The following PSME4 variants were observed in gnomAD, a reference collection of about 807,000 sequenced individuals.
PSME4 encodes proteasome activator subunit 4, also known as proteasome activator complex subunit 4.
Under a neutral mutation model 253.9 loss-of-function variants are expected in PSME4, and 89 were observed. The ratio of observed to expected loss-of-function variants is 0.35; its 90% confidence interval spans 0.30 to 0.42. PSME4 has a LOEUF of 0.42. Among genes scored for constraint, PSME4 ranks in the 10% least tolerant of loss-of-function variants. PSME4 has a pLI of 1.00. For synonymous variants in PSME4, 851 were observed against 759.2 expected (o/e 1.12, Z -1.99); for missense variants, 2,014 against 2,195.2 (o/e 0.92, Z 1.65).
rs1671049250 is a variant in PSME4 at position 53,970,837 on chromosome 2, C to A, written c.-53G>T. On this transcript the variant is annotated 5_prime_UTR_variant, in exon 1 of 47. Transcript: ENST00000404125. ...TCCCACCCGAACCCTCCCCGGCCCC[C>A]ACCCCTCTCCGGGCTCCGCCTCCTC... 1 of 1,376,638 alleles carries A rather than the reference C, an allele frequency of 7.3e-7. No homozygotes were observed. The highest frequency in any genetic ancestry group is 9.5e-7 in the Non-Finnish European group (1 of 1,050,368). The allele number at this position is 1,376,638 out of a possible 1,614,324, so 85.3% of individuals were successfully genotyped here. A position where few individuals can be genotyped will look rare whatever the true frequency, so the allele number is the denominator to read the frequency against.
At chr2:53,885,798 G>A in intron 40 of PSME4, 23 bp from the exon 41 acceptor site, 1 of 1,550,516 alleles carries the variant, frequency 6.4e-7, no homozygotes, top group Non-Finnish European at 8.9e-7. Context: ...CAAAGATGCA[G>A]AGTAAGTCTT....
rs545332658 is a variant in PSME4, at chr2:53,961,688, G to T, written c.242+8855C>A. On this transcript the variant is annotated intron_variant, in intron 1 of 46. Transcript: ENST00000404125. ...GCAAGACTGTCTAAAAATAAGGGGGGGAAGGGGGATGTTTGAAATGCTCAT... is the reference window on the plus strand; with the variant it reads ...GCAAGACTGTCTAAAAATAAGGGGGTGAAGGGGGATGTTTGAAATGCTCAT... 2.0e-5 allele frequency among the ~76,000 whole-genome samples: 3 copies of T among 152,168 alleles called. No individual in the cohort carries two copies. In the East Asian group the frequency reaches 5.8e-4, roughly 29 times the overall value.
intron 26 of PSME4, among the ~76,000 whole-genome samples, chr2:53,905,695 A>C (rs1680625276): frequency 6.6e-6 from 1 of 152,144 alleles, no homozygotes; most frequent in Admixed American, 6.5e-5. Flanking sequence ...AATCCCAGCT[A>C]TTTAGAAAGC....
chr2:53,904,226 T>C, intron 26 of PSME4, 70 bp from the exon 27 acceptor site: 1 of 1,384,190 alleles, frequency 7.2e-7, no homozygotes, highest in Non-Finnish European at 9.8e-7. Flanking sequence ...AAACAAATTA[T>C]CAAAAACAGT....
chr2:53,906,976 G>A (rs1222327861), intron 24 of PSME4, 108 bp from the exon 25 acceptor site: 2 of 854,202 alleles, frequency 2.3e-6, no homozygotes, highest in Non-Finnish European at 3.7e-6. Context: ...CTGGTTGACT[G>A]GTGAGTGGTG....
At position 53,878,270 on chromosome 2, in the gene PSME4, C is replaced by T. The variant is rs193048541; in HGVS notation, c.4816-2515G>A. On this transcript the variant is annotated intron_variant, in intron 41 of 46. Transcript: ENST00000404125. ...GTGAAGACTTCATGCACACTTATCA[C>T]TTCCCCAATCAATACTCTTGTGATT... Among the ~76,000 whole-genome samples the T allele has an allele frequency of 3.9e-3, 593 of 152,360 alleles. 5 individuals are homozygous for T. Among genetic ancestry groups the T allele is most frequent in the Middle Eastern group, 0.034 (10 of 294 alleles).
In PSME4 at chr2:53,939,983, A is replaced by G; in HGVS notation, c.518T>C (p.Leu173Pro). 6.3e-7 allele frequency: 1 copy of G among 1,594,320 alleles called. No homozygotes were observed. The highest frequency in any genetic ancestry group is 8.6e-7 in the Non-Finnish European group (1 of 1,165,298). Residue 173 changes from leucine to proline, a missense_variant, in exon 4 of 47, where the codon CTC (leucine) becomes CCC (proline). Leu to Pro is a moderately conservative substitution (Grantham distance 98). This residue lies in a region of PSME4 where 615 missense variants were observed against 594.4 expected (regional missense o/e 1.03). Transcript: ENST00000404125. ...TCGGCAGCTTTTCACGAGTGTTTTG[A>G]GAATATTTTCTACAGAACTGGGGGG... ...NWFPNSVENILKTLVKSCRPY... is the reference protein window; with the variant it reads ...NWFPNSVENIPKTLVKSCRPY...
Position 53,926,353 on chromosome 2 carries a change from A to T in PSME4, c.1594-330T>A, listed in dbSNP as rs189501200. 1.1e-3 allele frequency among the ~76,000 whole-genome samples: 160 copies of T among 152,324 alleles called. 1 individual carries two copies. The highest frequency in any genetic ancestry group is 3.4e-3 in the Middle Eastern group (1 of 294). On this transcript the variant is annotated intron_variant, in intron 12 of 46. Transcript: ENST00000404125. The stretch of plus-strand genomic sequence containing the variant: ...TCTCACTACCTGAATGTCCAGAAAA[A>T]TATAAACAATAACATGCTCGCGACT...
intron 16 of PSME4, 119 bp downstream of exon 16, chr2:53,922,928 CCA>C: frequency 1.2e-6 from 1 of 853,410 alleles, no homozygotes; most frequent in Non-Finnish European, 1.7e-6. Flanking sequence ...CAAATTTTCC[CCA>C]AATTGCCAAT....
At chr2:53,940,785 C>T (rs923711572) in intron 3 of PSME4, among the ~76,000 whole-genome samples, 1 of 147,500 alleles carries the variant, frequency 6.8e-6, no homozygotes, top group Non-Finnish European at 1.5e-5. Flanking sequence ...TTTTAAAATA[C>T]GTGTGTGACT....
Position 53,906,798 on chromosome 2 carries a change from A to G in PSME4, c.2847+8T>C, listed in dbSNP as rs191336165. 640 of 1,612,332 alleles carry G rather than the reference A, an allele frequency of 4.0e-4. No homozygotes were observed. Among genetic ancestry groups the G allele is most frequent in the Non-Finnish European group, 4.6e-4 (545 of 1,179,436 alleles). On this transcript the variant is annotated splice_region_variant and intron_variant, in intron 25 of 46. Coordinates refer to ENST00000404125, the MANE Select transcript of PSME4 (RefSeq NM_014614.3). ...TAAAAAGTCACTATGACTGAAAAAC[A>G]TATTTACCTCATGCTGTAACATTAC...
chr2:53,918,570 C>T (rs1386021256), intron 20 of PSME4, among the ~76,000 whole-genome samples: 1 of 152,056 alleles, frequency 6.6e-6, no homozygotes, highest in Admixed American at 6.5e-5. Context: ...CAAACTCCTG[C>T]ACTCAAAAGA....
rs377016365 is a variant in PSME4 at position 53,866,817 on chromosome 2, T to C, written c.5327A>G (p.Asp1776Gly). 6.2e-7 allele frequency: 1 copy of C among 1,613,998 alleles called. No individual in the cohort carries two copies. The highest frequency in any genetic ancestry group is 8.5e-7 in the Non-Finnish European group (1 of 1,179,892). Reference sequence around the variant, plus strand: ...GAGCTGGGGCATCCAGGTGGGAACATCGTAAGGACTAGAAAGAACACATGC... The same window carrying C: ...GAGCTGGGGCATCCAGGTGGGAACACCGTAAGGACTAGAAAGAACACATGC... Reference protein sequence around the residue: ...LGACVLSSPYDVPTWMPQLLM... With the variant: ...LGACVLSSPYGVPTWMPQLLM... The change falls in exon 45 of 47, where the codon GAT becomes GGT. Residue 1776 changes from aspartate (D) to glycine (G), a missense_variant. By Grantham distance (94) the Asp-to-Gly change is moderately conservative (BLOSUM62 -1). Transcript: ENST00000404125.
At chr2:53,932,344 T>G (rs971373659) in intron 9 of PSME4, among the ~76,000 whole-genome samples, 1 of 152,032 alleles carries the variant, frequency 6.6e-6, no homozygotes, top group Non-Finnish European at 1.5e-5. Flanking sequence ...TTCCATTACA[T>G]GAAAGCCATT....
intron 10 of PSME4, among the ~76,000 whole-genome samples, chr2:53,930,974 A>C (rs920168280): frequency 2.0e-5 from 3 of 152,198 alleles, no homozygotes; most frequent in African/African-American, 7.2e-5. Flanking sequence ...TTACTTTAAA[A>C]ATTGCTCTCA....
intron 43 of PSME4, among the ~76,000 whole-genome samples, chr2:53,874,065 G>A (rs1314756121): frequency 2.0e-5 from 3 of 152,102 alleles, no homozygotes; most frequent in African/African-American, 4.8e-5. Context: ...AGGCTTAAGC[G>A]ATCCTCCGAC....
At chr2:53,953,533 C>G (rs1670097676) in intron 1 of PSME4, among the ~76,000 whole-genome samples, 1 of 143,874 alleles carries the variant, frequency 7.0e-6, no homozygotes, top group Non-Finnish European at 1.5e-5. Context: ...TGCAGGGTAA[C>G]TTTTAAAATG....
At chr2:53,936,456 G>C (rs1425868872) in intron 6 of PSME4, among the ~76,000 whole-genome samples, 1 of 152,096 alleles carries the variant, frequency 6.6e-6, no homozygotes, top group Non-Finnish European at 1.5e-5. Context: ...TCCACTATAT[G>C]TCCAGCAGCA....
At chr2:53,946,024 A>C (rs1216503988) in intron 3 of PSME4, among the ~76,000 whole-genome samples, 1 of 152,234 alleles carries the variant, frequency 6.6e-6, no homozygotes, top group East Asian at 1.9e-4. Flanking sequence ...TTTTAAGGAC[A>C]AGGATGATGT....
Sources: allele counts gnomAD v4.1 joint callset (sites outside exome capture counted in the v4.1 genomes callset), GRCh38; gene constraint gnomAD v4.1.1; regional missense constraint gnomAD v4.1.1; transcripts MANE v1.5; gene names NCBI Gene and HGNC (gene_info 2026-07-23, HGNC 2026-07-21).